OR2L13: variants seen among roughly 807,000 people sequenced by gnomAD.
OR2L13 encodes olfactory receptor family 2 subfamily L member 13.
OR2L13 carries 14 observed loss-of-function variants against 15.3 expected under a neutral mutation model. That is an observed-to-expected ratio of 0.91 (90% confidence interval 0.60 to 1.43). The LOEUF is 1.43. OR2L13 is among the 40% of genes most tolerant of loss of function. OR2L13 has a pLI of 0.00. For synonymous variants in OR2L13, 152 were observed against 142.9 expected, an observed-to-expected ratio of 1.06 and a Z score of -0.45; for missense variants, 367 against 387.9, an observed-to-expected ratio of 0.95 and a Z score of 0.45.
chr1:247,954,791 G>C, the OR2L13 span, among the ~76,000 whole-genome samples: 1 of 152,014 alleles, frequency 6.6e-6, no homozygotes, highest in Non-Finnish European at 1.5e-5. Context: ...TCAGGAGGAA[G>C]ATAAGAATAC....
chr1:248,003,201 T>C, the OR2L13 span: 2 of 1,504,586 alleles, frequency 1.3e-6, no homozygotes, highest in Non-Finnish European at 1.8e-6. Context: ...AGAATTGGCC[T>C]TTTCCTCTTC....
chr1:248,010,039 A>T, the OR2L13 span, among the ~76,000 whole-genome samples: 1 of 152,198 alleles, frequency 6.6e-6, no homozygotes, highest in African/African-American at 2.4e-5. Context: ...GCTATTCATG[A>T]CAAACCCACA....
the OR2L13 span, among the ~76,000 whole-genome samples, chr1:248,066,617 C>T: frequency 6.6e-6 from 1 of 152,162 alleles, no homozygotes; most frequent in South Asian, 2.1e-4. Context: ...TGTCTCACTG[C>T]CACCAAATTC....
chr1:248,059,470 G>A, the OR2L13 span, among the ~76,000 whole-genome samples: 2 of 152,200 alleles, frequency 1.3e-5, no homozygotes, highest in Non-Finnish European at 2.9e-5. Flanking sequence ...GACAAAATGT[G>A]TAACCTATTT....
chr1:247,956,555 A>C, the OR2L13 span, among the ~76,000 whole-genome samples: 1 of 150,658 alleles, frequency 6.6e-6, no homozygotes, highest in Non-Finnish European at 1.5e-5. Context: ...TTTTCATGAT[A>C]TTGATTCTTC....
the OR2L13 span, among the ~76,000 whole-genome samples, chr1:248,049,188 T>C: frequency 6.6e-6 from 1 of 152,158 alleles, no homozygotes; most frequent in African/African-American, 2.4e-5. Flanking sequence ...TCAAATCTTG[T>C]GATTCAGTTT....
At chr1:248,003,175 G>A in the OR2L13 span, 1 of 1,446,576 alleles carries the variant, frequency 6.9e-7, no homozygotes, top group Non-Finnish European at 9.7e-7. Flanking sequence ...TCTTACTGGG[G>A]CTGTTCCCAC....
the OR2L13 span, among the ~76,000 whole-genome samples, chr1:247,967,045 C>CACACACACACA: frequency 2.5e-4 from 37 of 147,408 alleles, no homozygotes; most frequent in African/African-American, 8.2e-4. Context: ...ACACCACACA[C>CACACACACACA]CACACACACA....
At chr1:247,987,296 T>C in the OR2L13 span, among the ~76,000 whole-genome samples, 2 of 152,228 alleles carry the variant, frequency 1.3e-5, no homozygotes, top group Non-Finnish European at 2.9e-5. Flanking sequence ...TTTCTACATA[T>C]ATAGTTATGT....
the OR2L13 span, among the ~76,000 whole-genome samples, chr1:247,986,715 T>C: frequency 6.6e-6 from 1 of 152,236 alleles, no homozygotes; most frequent in African/African-American, 2.4e-5. Context: ...TATGGCCATT[T>C]TCACGATATT....
At chr1:247,945,379 T>C in the OR2L13 span, among the ~76,000 whole-genome samples, 12 of 152,198 alleles carry the variant, frequency 7.9e-5, no homozygotes, top group African/African-American at 2.4e-4. Flanking sequence ...GACTGTTTGT[T>C]ATGGTTTCAT....
chr1:247,975,567 A>C, the OR2L13 span: 2 of 1,302,224 alleles, frequency 1.5e-6, no homozygotes, highest in African/African-American at 1.5e-5. Context: ...TCCTCACCTC[A>C]ATGCTCAACC....
the OR2L13 span, among the ~76,000 whole-genome samples, chr1:248,056,620 C>A: frequency 6.7e-6 from 1 of 149,446 alleles, no homozygotes; most frequent in South Asian, 2.1e-4. Context: ...AGACAGGAGT[C>A]ATTCAGGAGC....
the OR2L13 span, among the ~76,000 whole-genome samples, chr1:247,992,701 A>G: frequency 6.6e-6 from 1 of 152,170 alleles, no homozygotes; most frequent in Non-Finnish European, 1.5e-5. Context: ...TGCAAACAGT[A>G]TGCTCTTACT....
At chr1:247,959,942 C>T in the OR2L13 span, among the ~76,000 whole-genome samples, 75,950 of 137,542 alleles carry the variant, frequency 0.55, 22,033 homozygotes, top group Non-Finnish European at 0.71. Flanking sequence ...TCTCTCAACT[C>T]GTCAGTCATT....
the OR2L13 span, among the ~76,000 whole-genome samples, chr1:248,050,838 A>G: frequency 3.9e-4 from 60 of 152,272 alleles, no homozygotes; most frequent in East Asian, 0.01. Flanking sequence ...CATTTATGAA[A>G]ATTTGCTCTT....
exon 3 of OR2L13, chr1:248,100,379 G>A (rs985872318): frequency 1.1e-6 from 1 of 879,462 alleles, no homozygotes. Context: ...GCTAGAGCAG[G>A]GTTGTCCAAT....
At chr1:248,077,582 G>C in the OR2L13 span, among the ~76,000 whole-genome samples, 4 of 152,100 alleles carry the variant, frequency 2.6e-5, no homozygotes, top group African/African-American at 4.8e-5. Context: ...GAGTCTATGT[G>C]TCCAGGAATT....
At chr1:248,054,090 G>T in the OR2L13 span, among the ~76,000 whole-genome samples, 5 of 152,066 alleles carry the variant, frequency 3.3e-5, no homozygotes, top group Non-Finnish European at 5.9e-5. Context: ...TATAGTTTTG[G>T]GTTTTACATT....
Sources: allele counts gnomAD v4.1 joint callset (sites outside exome capture counted in the v4.1 genomes callset), GRCh38; gene constraint gnomAD v4.1.1; transcripts MANE v1.5; gene names NCBI Gene and HGNC (gene_info 2026-07-23, HGNC 2026-07-21).